The following SYT17 variants were observed in gnomAD, a reference collection of about 807,000 sequenced individuals.
SYT17 encodes the protein synaptotagmin 17.
Under a neutral mutation model 46.7 loss-of-function variants are expected in SYT17, and 22 were observed. The ratio of observed to expected loss-of-function variants is 0.47; its 90% CI spans 0.34 to 0.67. SYT17 has a LOEUF of 0.67. SYT17 is among the 30% of genes least tolerant of loss of function. The pLI, the probability that SYT17 is intolerant of heterozygous loss-of-function variation, is 0.01. For missense variants in SYT17, 519 were observed against 612.8 expected (o/e 0.85, Z 1.62); for synonymous variants, 251 against 248.4 (o/e 1.01, Z -0.10).
chr16:19,260,097 A>G (rs938731903), intron 7 of SYT17, among the ~76,000 whole-genome samples: 4 of 152,098 alleles, frequency 2.6e-5, no homozygotes, highest in East Asian at 1.9e-4. Context: ...CTAAATTACA[A>G]TAAAGGTTTG....
At chr16:19,266,709 T>C (rs1306342974) in intron 7 of SYT17, among the ~76,000 whole-genome samples, 171 bp from the exon 8 acceptor site, 1 of 151,752 alleles carries the variant, frequency 6.6e-6, no homozygotes, top group Non-Finnish European at 1.5e-5. Context: ...GATGAGGGAG[T>C]TGGACTTCTC....
At chr16:19,172,541 A>G in intron 1 of SYT17, 1 of 1,501,588 alleles carries the variant, frequency 6.7e-7, no homozygotes, top group South Asian at 1.3e-5. Context: ...TTGGTTAACC[A>G]GGAGGCTACC....
chr16:19,194,991 G>A (rs758745957), intron 5 of SYT17, among the ~76,000 whole-genome samples: 4 of 152,170 alleles, frequency 2.6e-5, no homozygotes, highest in Non-Finnish European at 5.9e-5. Flanking sequence ...AAGAGCATGC[G>A]CTTTTGAGTT....
At chr16:19,218,774 G>T (rs533471984) in intron 5 of SYT17, among the ~76,000 whole-genome samples, 159 of 152,298 alleles carry the variant, frequency 1.0e-3, no homozygotes, top group African/African-American at 3.8e-3. Flanking sequence ...AGCTTGCCTT[G>T]GTTCCTGTAG....
chr16:19,184,579 T>A (rs1223865634), intron 5 of SYT17, among the ~76,000 whole-genome samples: 1 of 150,866 alleles, frequency 6.6e-6, no homozygotes, highest in Non-Finnish European at 1.5e-5. Flanking sequence ...TTTTTTTTAG[T>A]AGAGATGAGG....
intron 5 of SYT17, among the ~76,000 whole-genome samples, chr16:19,214,048 T>C (rs1966000748): frequency 1.3e-5 from 2 of 152,210 alleles, no homozygotes; most frequent in South Asian, 4.1e-4. Flanking sequence ...CTGGTCTCTC[T>C]CTACCCACTA....
chr16:19,255,076 G>T (rs910390652), intron 7 of SYT17, among the ~76,000 whole-genome samples: 1 of 152,056 alleles, frequency 6.6e-6, no homozygotes, highest in Non-Finnish European at 1.5e-5. Context: ...CCTTAAATTC[G>T]CTCTAAATTT....
intron 7 of SYT17, among the ~76,000 whole-genome samples, chr16:19,246,118 AC>A (rs1212760245): frequency 6.6e-6 from 1 of 151,662 alleles, no homozygotes. Context: ...AGGCATCCCA[AC>A]TAGCTGGGAT....
chr16:19,251,381 G>T (rs1597029891), intron 7 of SYT17, among the ~76,000 whole-genome samples: 1 of 152,222 alleles, frequency 6.6e-6, no homozygotes, highest in South Asian at 2.1e-4. Flanking sequence ...TTAAGGAATA[G>T]ACTCTGTTGG....
At chr16:19,179,521 C>T (rs1964460468) in intron 3 of SYT17, among the ~76,000 whole-genome samples, 2 of 152,194 alleles carry the variant, frequency 1.3e-5, no homozygotes, top group African/African-American at 4.8e-5. Context: ...CCTGCCTTGG[C>T]CTCCCAAAAT....
At chr16:19,225,302 T>G (rs7189755) in intron 7 of SYT17, among the ~76,000 whole-genome samples, 72,371 of 151,842 alleles carry the variant, frequency 0.48, 19,600 homozygotes, top group African/African-American at 0.75. Context: ...GAAAAAACAG[T>G]GTCACCTAAC....
At chr16:19,208,867 A>G (rs1164796235) in intron 5 of SYT17, among the ~76,000 whole-genome samples, 1 of 126,722 alleles carries the variant, frequency 7.9e-6, no homozygotes, top group East Asian at 2.2e-4. Flanking sequence ...TTATTTAATC[A>G]CTTCTACAAG....
rs890199268 is a variant in SYT17 at position 19,224,974 on chromosome 16, C to T, written c.1228+136C>T. The T allele has an allele frequency of 3.9e-5, 37 of 960,418 alleles. No individual in the cohort carries two copies. In the African/African-American group the frequency reaches 4.5e-4, roughly 12 times the overall value. 59.5% of individuals were successfully genotyped at this position (960,418 alleles called of 1,614,324 possible). On this transcript the variant is annotated intron_variant, in intron 7 of 7. Coordinates refer to ENST00000355377, the MANE Select transcript of SYT17 (RefSeq NM_016524.4). ...ATTCAACTACCTGGGTTTGAACCCACTTAACATCTATGAACTGGGGCAGGA... is the reference window on the plus strand; with the variant it reads ...ATTCAACTACCTGGGTTTGAACCCATTTAACATCTATGAACTGGGGCAGGA...
Position 19,168,313 on chromosome 16 carries a change from T to C in SYT17, c.-334T>C, listed in dbSNP as rs932711652. ...AGTCCCCGCAGCTGCCCCGGGCTGC[T>C]TGCCCAGGCGCCCCGGCCTTATTCC... On this transcript the variant is annotated 5_prime_UTR_variant, in exon 1 of 8. Transcript: ENST00000355377. This position sits in a 1 kb window ranked among gnomAD's most constrained non-coding sequence, Gnocchi z 6.9. The C allele has an allele frequency of 8.2e-6, 3 of 364,434 alleles. No homozygotes were observed. Among genetic ancestry groups the C allele is most frequent in the African/African-American group, 4.4e-5 (2 of 45,744 alleles). The allele number at this position is 364,434 out of a possible 1,614,324, so 22.6% of individuals were successfully genotyped here.
chr16:19,235,947 A>G (rs763315297), intron 7 of SYT17, among the ~76,000 whole-genome samples: 7 of 152,224 alleles, frequency 4.6e-5, no homozygotes, highest in African/African-American at 7.2e-5. Context: ...AGAAATATCA[A>G]AAAGGTTTAA....
chr16:19,267,135 A>T lies in SYT17; in HGVS notation c.*59A>T. 7.0e-7 allele frequency: 1 copy of T among 1,422,030 alleles called. No individual in the cohort carries two copies. Among genetic ancestry groups the T allele is most frequent in the South Asian group, 1.4e-5 (1 of 71,618 alleles). The allele number at this position is 1,422,030 out of a possible 1,614,324, so 88.1% of individuals were successfully genotyped here. On this transcript the variant is annotated 3_prime_UTR_variant, in exon 8 of 8. Coordinates refer to ENST00000355377, the MANE Select transcript of SYT17 (RefSeq NM_016524.4). ...AAAAAAAAAAAAAAGACGGAAAAAA[A>T]TGTGTCACATACTATTACATCCACA...
At chr16:19,208,044 A>G (rs1479098149) in intron 5 of SYT17, among the ~76,000 whole-genome samples, 1 of 152,258 alleles carries the variant, frequency 6.6e-6, no homozygotes, top group Non-Finnish European at 1.5e-5. Flanking sequence ...TGAGCTTAGT[A>G]TAGCAAAGCA....
chr16:19,201,596 A>T (rs1965466643), intron 5 of SYT17, among the ~76,000 whole-genome samples: 1 of 150,980 alleles, frequency 6.6e-6, no homozygotes, highest in Non-Finnish European at 1.5e-5. Flanking sequence ...AGAAGGTGCC[A>T]TTTTCAATAA....
At chr16:19,177,624 A>G (rs1964366637) in intron 3 of SYT17, among the ~76,000 whole-genome samples, 1 of 152,134 alleles carries the variant, frequency 6.6e-6, no homozygotes, top group South Asian at 2.1e-4. Flanking sequence ...GCCTCTGTGG[A>G]CTGGCATGTG....
Sources: allele counts gnomAD v4.1 joint callset (sites outside exome capture counted in the v4.1 genomes callset), GRCh38; gene constraint gnomAD v4.1.1; non-coding constraint Gnocchi (gnomAD v3.1); transcripts MANE v1.5; gene names NCBI Gene and HGNC (gene_info 2026-07-23, HGNC 2026-07-21).